The following ARAP2 variants were observed in gnomAD, a reference collection of about 807,000 sequenced individuals.
The protein encoded by ARAP2 is ArfGAP with RhoGAP domain, ankyrin repeat and PH domain 2.
A neutral mutation model predicts 194.5 loss-of-function variants in ARAP2; 148 were observed. The ratio of observed to expected loss-of-function variants is 0.76; its 90% confidence interval spans 0.67 to 0.87. The LOEUF (loss-of-function observed/expected upper bound fraction) is 0.87. Ranked by LOEUF, ARAP2 falls within the 40% of genes least tolerant of loss-of-function variation. ARAP2 has a pLI of 0.00. For missense variants in ARAP2, 2,128 were observed against 1,989.7 expected (o/e 1.07, Z -1.32); for synonymous variants, 695 against 683.5 (o/e 1.02, Z -0.26).
intron 20 of ARAP2, among the ~76,000 whole-genome samples, chr4:36,130,390 C>T (rs190015165): frequency 2.0e-5 from 3 of 152,020 alleles, no homozygotes; most frequent in Admixed American, 2.0e-4. Flanking sequence ...TCACACTAAG[C>T]TCTGGCCACA....
chr4:36,194,033 G>A (rs904867625), intron 6 of ARAP2, among the ~76,000 whole-genome samples: 1 of 151,970 alleles, frequency 6.6e-6, no homozygotes, highest in Non-Finnish European at 1.5e-5. Flanking sequence ...ATTTTCCCTT[G>A]ATTTTTGTTT....
intron 3 of ARAP2, chr4:36,051,962 T>C (rs1182978426): frequency 2.0e-5 from 3 of 152,182 alleles, no homozygotes; most frequent in Non-Finnish European, 2.9e-5. Context: ...AAAATGCACA[T>C]AGTATTTTTT....
intron 11 of ARAP2, 23 bp from the exon 12 acceptor site, chr4:36,161,573 T>C (rs374682512): frequency 1.4e-4 from 216 of 1,564,974 alleles, no homozygotes; most frequent in Non-Finnish European, 1.7e-4. Context: ...CACAATTGCA[T>C]TTCTATTTTA....
At chr4:36,232,564 C>T (rs1202121919) in intron 1 of ARAP2, among the ~76,000 whole-genome samples, 1 of 152,178 alleles carries the variant, frequency 6.6e-6, no homozygotes, top group East Asian at 1.9e-4. Flanking sequence ...CTACCAATAT[C>T]CTTCATTCAC....
At chr4:36,039,130 A>T (rs1465582979) in intron 5 of ARAP2, among the ~76,000 whole-genome samples, 1 of 152,172 alleles carries the variant, frequency 6.6e-6, no homozygotes, top group Non-Finnish European at 1.5e-5. Flanking sequence ...GAAGAAAACC[A>T]TTCATGGGGA....
At chr4:36,106,021 G>T (rs760743927) in intron 27 of ARAP2, among the ~76,000 whole-genome samples, 3 of 151,804 alleles carry the variant, frequency 2.0e-5, no homozygotes, top group Non-Finnish European at 4.4e-5. Context: ...TCTAAATTAG[G>T]GTTTCTCAAC....
chr4:36,163,889 T>C (rs1260051637), intron 11 of ARAP2, among the ~76,000 whole-genome samples: 1 of 152,106 alleles, frequency 6.6e-6, no homozygotes, highest in African/African-American at 2.4e-5. Context: ...TTTGTTGTGA[T>C]TGATATTATT....
At chr4:36,136,245 G>GA (rs539494800) in intron 19 of ARAP2, among the ~76,000 whole-genome samples, 1 of 151,746 alleles carries the variant, frequency 6.6e-6, no homozygotes, top group Non-Finnish European at 1.5e-5. Context: ...GAATTCCAAA[G>GA]AAACATTTAC....
chr4:36,222,365 A>G (rs1009585443), intron 2 of ARAP2, among the ~76,000 whole-genome samples: 2 of 152,136 alleles, frequency 1.3e-5, no homozygotes, highest in African/African-American at 4.8e-5. Flanking sequence ...TGTTTCTTAA[A>G]GTCCTCAAAA....
intron 5 of ARAP2, among the ~76,000 whole-genome samples, chr4:36,038,759 G>C (rs1484985471): frequency 6.6e-6 from 1 of 152,148 alleles, no homozygotes; most frequent in Non-Finnish European, 1.5e-5. Flanking sequence ...TTCTGCTTTG[G>C]AAGCACATGG....
intron 12 of ARAP2, 138 bp downstream of exon 12, chr4:36,161,327 C>T (rs576613732): frequency 3.2e-6 from 2 of 629,376 alleles, no homozygotes; most frequent in East Asian, 2.7e-5. Context: ...AGGCTATAAG[C>T]CACTTCCATA....
At chr4:36,054,574 C>T (rs1205653133) in intron 2 of ARAP2, among the ~76,000 whole-genome samples, 1 of 152,110 alleles carries the variant, frequency 6.6e-6, no homozygotes, top group East Asian at 1.9e-4. Flanking sequence ...GAGACAAGAG[C>T]TTGACTTCCA....
intron 6 of ARAP2, among the ~76,000 whole-genome samples, chr4:36,194,390 GGCAGACA>G (rs1317084505): frequency 6.6e-6 from 1 of 152,080 alleles, no homozygotes; most frequent in Non-Finnish European, 1.5e-5. Flanking sequence ...CTTCCCTGAA[GGCAGACA>G]ACCATAGGTA....
At chr4:36,048,885 T>A (rs1002959051) in intron 3 of ARAP2, among the ~76,000 whole-genome samples, 2 of 152,152 alleles carry the variant, frequency 1.3e-5, no homozygotes, top group African/African-American at 4.8e-5. Context: ...TCTGTCATTT[T>A]AAAAATACTT....
At chr4:36,014,326 GAA>G (rs879692519) in intron 8 of ARAP2, among the ~76,000 whole-genome samples, 517 of 40,130 alleles carry the variant, frequency 0.013, 18 homozygotes, top group African/African-American at 0.042. Context: ...AAGAAAGAGA[GAA>G]AGAAAGAAAG....
At chr4:36,102,789 TA>T (rs998923487) in intron 27 of ARAP2, among the ~76,000 whole-genome samples, 3 of 151,970 alleles carry the variant, frequency 2.0e-5, no homozygotes, top group African/African-American at 4.8e-5. Context: ...TTAAATACCT[TA>T]AATTTTCTAT....
At chr4:36,139,716 T>C (rs935298232) in intron 19 of ARAP2, among the ~76,000 whole-genome samples, 2 of 151,648 alleles carry the variant, frequency 1.3e-5, no homozygotes, top group African/African-American at 4.8e-5. Flanking sequence ...TATAGCTCCA[T>C]CACACAAATT....
chr4:36,229,647 T>A lies in ARAP2; in HGVS notation c.-159-2A>T. 2 of 475,154 alleles carry A rather than the reference T, an allele frequency of 4.2e-6. No individual in the cohort carries two copies. The highest frequency in any genetic ancestry group is 7.3e-6 in the Non-Finnish European group (2 of 274,682). 29.4% of individuals were successfully genotyped at this position (475,154 alleles called of 1,614,324 possible). A position where few individuals can be genotyped will look rare whatever the true frequency, so the allele number is the denominator to read the frequency against. On this transcript the variant is annotated splice_acceptor_variant, in intron 1 of 32. Coordinates refer to ENST00000303965, the MANE Select transcript of ARAP2 (RefSeq NM_015230.4). LOFTEE classifies it low-confidence loss of function (5UTR_SPLICE). ...AGTGACTGCTTTACCTGCTTAAGCCTAGAAAAAAATAAAAAATGATTCATT... is the reference window on the plus strand; with the variant it reads ...AGTGACTGCTTTACCTGCTTAAGCCAAGAAAAAAATAAAAAATGATTCATT...
At chr4:36,006,777 G>A (rs1277892157) in intron 10 of ARAP2, 2 of 152,116 alleles carry the variant, frequency 1.3e-5, no homozygotes, top group Non-Finnish European at 2.9e-5. Context: ...AAATTCAAGA[G>A]GAAGTGACCT....
Sources: gnomAD v4.1 joint callset for allele counts (sites outside exome capture counted in the v4.1 genomes callset) on GRCh38, gnomAD v4.1.1 for gene constraint, MANE v1.5 for transcripts, NCBI Gene and HGNC (gene_info 2026-07-23, HGNC 2026-07-21) for gene names.